The following PDCL2 variants were observed in gnomAD, a reference collection of about 807,000 sequenced individuals.
PDCL2 encodes the protein phosducin-like protein 2.
Under a neutral mutation model 30.3 loss-of-function variants are expected in PDCL2, and 23 were observed. The ratio of observed to expected loss-of-function variants is 0.76; its 90% confidence interval spans 0.55 to 1.08. PDCL2 has a LOEUF of 1.08. Among genes scored for constraint, PDCL2 ranks in the 50% least tolerant of loss-of-function variants. The probability of loss-of-function intolerance (pLI) is 0.00; values close to 1 mark genes in which losing one functional copy is unlikely to be tolerated. For synonymous variants in PDCL2, 68 were observed against 86.2 expected, an observed-to-expected ratio of 0.79 and a Z score of 1.17; for missense variants, 243 against 282.3, an observed-to-expected ratio of 0.86 and a Z score of 1.00.
chr4:55,587,532 G>T (rs1308299117), intron 1 of PDCL2, among the ~76,000 whole-genome samples: 1 of 151,366 alleles, frequency 6.6e-6, no homozygotes, highest in Non-Finnish European at 1.5e-5. Context: ...CTATTCTGTG[G>T]GTTGTCTTTT....
Position 55,573,760 on chromosome 4 carries a change from C to T in PDCL2, c.219-3899G>A, listed in dbSNP as rs1160514702. Among the ~76,000 whole-genome samples, 6 of 150,658 alleles carry T rather than the reference C, an allele frequency of 4.0e-5. No homozygotes were observed. In the East Asian group the frequency reaches 7.8e-4, roughly 20 times the overall value. The stretch of plus-strand genomic sequence containing the variant: ...AGCAAGACTCTGTCCTCCTCTCCCC[C>T]ACAAAAAAAAACAGACATGATAGTG... On this transcript the variant is annotated intron_variant, in intron 3 of 5. Coordinates refer to ENST00000295645, the MANE Select transcript of PDCL2 (RefSeq NM_152401.3).
chr4:55,569,959 T>C, intron 3 of PDCL2, 98 bp from the exon 4 acceptor site: 1 of 834,134 alleles, frequency 1.2e-6, no homozygotes. Flanking sequence ...ATATAATGCC[T>C]ATCCATATCA....
At chr4:55,580,151 G>GT (rs1380029862) in intron 3 of PDCL2, among the ~76,000 whole-genome samples, 2 of 152,080 alleles carry the variant, frequency 1.3e-5, no homozygotes, top group South Asian at 2.1e-4. Flanking sequence ...CTGGTCCACT[G>GT]TTTTTTTATT....
At chr4:55,576,761 C>T (rs187001288) in intron 3 of PDCL2, among the ~76,000 whole-genome samples, 180 of 152,242 alleles carry the variant, frequency 1.2e-3, no homozygotes, top group Middle Eastern at 3.4e-3. Context: ...ACAGAAAACA[C>T]CTAAGTAGCA....
chr4:55,589,893 T>C (rs142428601), intron 1 of PDCL2, among the ~76,000 whole-genome samples: 1 of 151,946 alleles, frequency 6.6e-6, no homozygotes, highest in Admixed American at 6.6e-5. Flanking sequence ...AAAAGCAGGG[T>C]ACATTAAGAG....
chr4:55,571,305 T>A (rs1044486354), intron 3 of PDCL2, among the ~76,000 whole-genome samples: 3 of 151,886 alleles, frequency 2.0e-5, no homozygotes, highest in African/African-American at 7.3e-5. Context: ...CATGCACCCC[T>A]CCCTTGGAAA....
intron 5 of PDCL2, among the ~76,000 whole-genome samples, chr4:55,557,050 C>A (rs1051967362): frequency 1.3e-5 from 2 of 152,168 alleles, no homozygotes; most frequent in East Asian, 3.9e-4. Context: ...GTTGGCCAGG[C>A]TGGTCTCGAA....
At chr4:55,564,375 G>C (rs911672876) in intron 4 of PDCL2, among the ~76,000 whole-genome samples, 1 of 152,158 alleles carries the variant, frequency 6.6e-6, no homozygotes, top group Non-Finnish European at 1.5e-5. Flanking sequence ...GCAAGTAGTA[G>C]GGGAACAAAT....
At chr4:55,584,250 G>T (rs201095977) in intron 1 of PDCL2, among the ~76,000 whole-genome samples, 1 of 149,940 alleles carries the variant, frequency 6.7e-6, no homozygotes, top group Non-Finnish European at 1.5e-5. Flanking sequence ...TTTTGTTGTT[G>T]TTGTTTTGTT....
chr4:55,579,425 GTT>G (rs1732649545), intron 3 of PDCL2, among the ~76,000 whole-genome samples: 1 of 152,088 alleles, frequency 6.6e-6, no homozygotes, highest in African/African-American at 2.4e-5. Flanking sequence ...CACCTCCCAG[GTT>G]CAGCGATTCT....
chr4:55,569,390 G>T (rs567638422), intron 4 of PDCL2, among the ~76,000 whole-genome samples: 1 of 152,188 alleles, frequency 6.6e-6, no homozygotes, highest in African/African-American at 2.4e-5. Flanking sequence ...AATCTGTATG[G>T]TCGATATTTA....
intron 3 of PDCL2, among the ~76,000 whole-genome samples, chr4:55,571,538 T>A (rs754353746): frequency 8.6e-4 from 110 of 128,318 alleles, no homozygotes; most frequent in Non-Finnish European, 1.1e-3. Flanking sequence ...ATACAAAAAA[T>A]TAGCCGGGCA....
At chr4:55,573,655 G>T (rs1482746298) in intron 3 of PDCL2, among the ~76,000 whole-genome samples, 1 of 151,914 alleles carries the variant, frequency 6.6e-6, no homozygotes, top group African/African-American at 2.4e-5. Flanking sequence ...AGAGACTGAG[G>T]TAGGATAATC....
intron 5 of PDCL2, among the ~76,000 whole-genome samples, chr4:55,560,439 T>A (rs960139797): frequency 6.6e-6 from 1 of 152,052 alleles, no homozygotes; most frequent in Non-Finnish European, 1.5e-5. Flanking sequence ...TGAGACCCCA[T>A]CTCTACTATA....
At chr4:55,562,009 TAGAG>T (rs1377463655) in intron 5 of PDCL2, among the ~76,000 whole-genome samples, 1 of 151,930 alleles carries the variant, frequency 6.6e-6, no homozygotes, top group African/African-American at 2.4e-5. Flanking sequence ...ATTTGGATAA[TAGAG>T]AAAGGTAGAA....
intron 1 of PDCL2, among the ~76,000 whole-genome samples, chr4:55,587,718 G>A (rs1313049691): frequency 6.6e-6 from 1 of 151,838 alleles, no homozygotes; most frequent in Non-Finnish European, 1.5e-5. Flanking sequence ...ACCACACCCA[G>A]CTAATTTTTG....
intron 1 of PDCL2, among the ~76,000 whole-genome samples, chr4:55,590,497 T>C (rs375654578): frequency 5.4e-5 from 8 of 148,684 alleles, no homozygotes; most frequent in South Asian, 2.2e-4. Flanking sequence ...ATGAATTTTT[T>C]CCCCCCCGAG....
chr4:55,582,427 A>C (rs1277483129), intron 1 of PDCL2, among the ~76,000 whole-genome samples, 190 bp from the exon 2 acceptor site: 2 of 152,190 alleles, frequency 1.3e-5, no homozygotes, highest in East Asian at 1.9e-4. Context: ...TATATGCTCC[A>C]CTCAAAATTT....
At chr4:55,570,000 G>T in intron 3 of PDCL2, 139 bp from the exon 4 acceptor site, 1 of 596,814 alleles carries the variant, frequency 1.7e-6, no homozygotes, top group Non-Finnish European at 2.6e-6. Context: ...AACCATGAAT[G>T]ATCTTATAAA....
Sources: gnomAD v4.1 joint callset for allele counts (sites outside exome capture counted in the v4.1 genomes callset) on GRCh38, gnomAD v4.1.1 for gene constraint, MANE v1.5 for transcripts, NCBI Gene and HGNC (gene_info 2026-07-23, HGNC 2026-07-21) for gene names.